Variants in PLEKHH2 observed in about 807,000 individuals in gnomAD.
PLEKHH2 encodes the protein pleckstrin homology domain-containing family H member 2.
A neutral mutation model predicts 187.9 loss-of-function variants in PLEKHH2; 129 were observed. The observed-to-expected ratio is 0.69, with a 90% CI of 0.59 to 0.79. PLEKHH2 has a LOEUF of 0.79. Among genes scored for constraint, PLEKHH2 ranks in the 30% least tolerant of loss-of-function variants. The pLI, the probability that PLEKHH2 is intolerant of heterozygous loss-of-function variation, is 0.00. For missense variants in PLEKHH2, 2,076 were observed against 1,751.2 expected, an observed-to-expected ratio of 1.19 and a Z score of -3.31; for synonymous variants, 686 against 605.6, an observed-to-expected ratio of 1.13 and a Z score of -1.95.
chr2:43,721,613 A>C (rs559564172), intron 16 of PLEKHH2, among the ~76,000 whole-genome samples: 2 of 152,140 alleles, frequency 1.3e-5, no homozygotes, highest in African/African-American at 2.4e-5. Context: ...GCCAGGCATG[A>C]TGGCTCATGC....
chr2:43,758,916 CT>C lies in PLEKHH2; in HGVS notation c.3961del (p.Ser1321GlnfsTer20). The C allele has an allele frequency of 6.3e-7, 1 of 1,586,934 alleles. No individual in the cohort carries two copies. The highest frequency in any genetic ancestry group is 8.6e-7 in the Non-Finnish European group (1 of 1,165,070). ...TTTTTTTAGGCAGCTTTGCCAGCGACTTTCAACCAGATGGATGGCCCTCCGG... is the reference window on the plus strand; with the variant it reads ...TTTTTTTAGGCAGCTTTGCCAGCGACTTCAACCAGATGGATGGCCCTCCGG... The part of the protein sequence containing the change: ...EEQLRQLCQR[L>X]STRWMALRGH... On this transcript the variant is annotated frameshift_variant, in exon 27 of 30. Coordinates refer to ENST00000282406, the MANE Select transcript of PLEKHH2 (RefSeq NM_172069.4). LOFTEE classifies it high-confidence loss of function.
In PLEKHH2 at chr2:43,740,971, T is replaced by C. The variant is rs1031074587; in HGVS notation, c.3149T>C (p.Val1050Ala). 1 of 1,614,062 alleles carries C rather than the reference T, an allele frequency of 6.2e-7. No individual in the cohort carries two copies. The highest frequency in any genetic ancestry group is 8.5e-7 in the Non-Finnish European group (1 of 1,179,948). Reference protein sequence around the residue: ...LQGWQLLALCVGLFLPHHPFL... With the variant: ...LQGWQLLALCAGLFLPHHPFL... ...GGCTGGCAGCTCTTGGCACTCTGCG[T>C]TGGGCTCTTCCTTCCCCATCATCCT... The change falls in exon 21 of 30, where the codon GTT (valine) becomes GCT (alanine). Residue 1050 changes from valine (V) to alanine (A), a missense_variant. Coordinates refer to ENST00000282406, the MANE Select transcript of PLEKHH2 (RefSeq NM_172069.4).
chr2:43,684,534 C>T (rs1668398193), intron 3 of PLEKHH2, among the ~76,000 whole-genome samples: 1 of 151,732 alleles, frequency 6.6e-6, no homozygotes, highest in Non-Finnish European at 1.5e-5. Flanking sequence ...TCTACACCCG[C>T]CCCCCACCGA....
chr2:43,727,376 C>T (rs1352327252), intron 17 of PLEKHH2, among the ~76,000 whole-genome samples: 1 of 128,860 alleles, frequency 7.8e-6, no homozygotes, highest in African/African-American at 3.2e-5. Context: ...CGCACCACTG[C>T]ACTCCAGCCT....
At chr2:43,698,326 C>T (rs778547040) in intron 7 of PLEKHH2, among the ~76,000 whole-genome samples, 22 of 151,208 alleles carry the variant, frequency 1.5e-4, no homozygotes, top group Non-Finnish European at 2.9e-4. Flanking sequence ...CAGCTCACTG[C>T]GGCCTTGACC....
intron 2 of PLEKHH2, among the ~76,000 whole-genome samples, chr2:43,674,392 C>T (rs1667626653): frequency 6.6e-6 from 1 of 152,000 alleles, no homozygotes; most frequent in Non-Finnish European, 1.5e-5. Flanking sequence ...AGCATATTGC[C>T]AGTAGTGGAA....
At chr2:43,728,290 C>G (rs974760484) in intron 17 of PLEKHH2, among the ~76,000 whole-genome samples, 3 of 151,610 alleles carry the variant, frequency 2.0e-5, no homozygotes, top group African/African-American at 7.3e-5. Context: ...ACCAGCCTGG[C>G]CAATGTGGTG....
intron 27 of PLEKHH2, among the ~76,000 whole-genome samples, chr2:43,759,555 G>A (rs1031884633): frequency 6.6e-6 from 1 of 152,206 alleles, no homozygotes; most frequent in Non-Finnish European, 1.5e-5. Flanking sequence ...ACCCTGCCCA[G>A]GGATGGCCAG....
chr2:43,706,980 G>A (rs893636061), intron 10 of PLEKHH2, among the ~76,000 whole-genome samples: 3 of 151,744 alleles, frequency 2.0e-5, no homozygotes, highest in East Asian at 1.9e-4. Context: ...GGCGGATCAC[G>A]AGGTCAGGAG....
At chr2:43,659,392 A>G (rs902953547) in intron 2 of PLEKHH2, among the ~76,000 whole-genome samples, 3 of 151,966 alleles carry the variant, frequency 2.0e-5, no homozygotes, top group Non-Finnish European at 2.9e-5. Context: ...TGTCCTTTAA[A>G]AAATAGATGT....
intron 16 of PLEKHH2, among the ~76,000 whole-genome samples, chr2:43,723,749 C>G (rs1670603836): frequency 6.6e-6 from 1 of 152,214 alleles, no homozygotes. Flanking sequence ...TTCTGCCACC[C>G]TTCAGCTTTT....
chr2:43,714,043 G>C (rs575132445), intron 15 of PLEKHH2, among the ~76,000 whole-genome samples: 76 of 152,238 alleles, frequency 5.0e-4, no homozygotes, highest in South Asian at 1.2e-3. Flanking sequence ...CAAAATATTT[G>C]CACAATACTT....
chr2:43,692,929 T>C lies in PLEKHH2; in HGVS notation c.336+266T>C, dbSNP rs568724218. ...TCAAACATTTGAGTTTATTTATTTA[T>C]CTGAGACAGAGTCTTGCTCTGTCAC... is the stretch of plus-strand genomic sequence containing the variant. On this transcript the variant is annotated intron_variant, in intron 4 of 29. Transcript: ENST00000282406. Among the ~76,000 whole-genome samples, 7 of 152,294 alleles carry C rather than the reference T, an allele frequency of 4.6e-5. No homozygotes were observed. The East Asian group carries it at 1.2e-3, about 25-fold the overall frequency.
At chr2:43,737,539 A>G (rs970513687) in intron 19 of PLEKHH2, among the ~76,000 whole-genome samples, 1 of 152,140 alleles carries the variant, frequency 6.6e-6, no homozygotes, top group East Asian at 1.9e-4. Context: ...TCCTGGCGGT[A>G]CCATCAAGCT....
intron 28 of PLEKHH2, among the ~76,000 whole-genome samples, chr2:43,762,913 CTAAT>C (rs1438284077): frequency 6.6e-6 from 1 of 152,018 alleles, no homozygotes; most frequent in Non-Finnish European, 1.5e-5. Context: ...TTTCATGTGT[CTAAT>C]TATTTAATAC....
At chr2:43,692,048 A>AC (rs533345008) in intron 3 of PLEKHH2, among the ~76,000 whole-genome samples, 1 of 151,398 alleles carries the variant, frequency 6.6e-6, no homozygotes. Flanking sequence ...TTGTTTTCCC[A>AC]CCCCCCTTTC....
At position 43,697,322 on chromosome 2, in the gene PLEKHH2, A is replaced by G; in HGVS notation, c.654A>G (p.Lys218=). 6.2e-7 allele frequency: 1 copy of G among 1,613,444 alleles called. No individual in the cohort carries two copies. Among genetic ancestry groups the G allele is most frequent in the South Asian group, 1.1e-5 (1 of 90,864 alleles). ...KSEEMSKISS[K]EPEFTEGKDM... is the part of the protein sequence containing the mutation. ...AGGAAATGAGCAAGATATCATCGAA[A>G]GAACCTGAGTTCACTGAAGGAAAAG... is the stretch of plus-strand genomic sequence containing the variant. Residue 218 remains lysine, a synonymous_variant, in exon 7 of 30, where the codon AAA becomes AAG. Coordinates refer to ENST00000282406, the MANE Select transcript of PLEKHH2 (RefSeq NM_172069.4).
intron 17 of PLEKHH2, 75 bp downstream of exon 17, chr2:43,726,526 T>A: frequency 7.4e-7 from 1 of 1,347,798 alleles, no homozygotes; most frequent in South Asian, 1.3e-5. Flanking sequence ...AATTATCAAA[T>A]CAATTTAATG....
chr2:43,720,408 C>A (rs1014345385), intron 15 of PLEKHH2, among the ~76,000 whole-genome samples: 1 of 151,968 alleles, frequency 6.6e-6, no homozygotes, highest in Non-Finnish European at 1.5e-5. Flanking sequence ...GAGCATAGTA[C>A]CCGATAGGTA....
Sources: gnomAD v4.1 joint callset for allele counts (sites outside exome capture counted in the v4.1 genomes callset) on GRCh38, gnomAD v4.1.1 for gene constraint, MANE v1.5 for transcripts, NCBI Gene and HGNC (gene_info 2026-07-23, HGNC 2026-07-21) for gene names.